Variants in ITGA11 observed in about 807,000 individuals in gnomAD.
ITGA11 encodes integrin subunit alpha 11, also known as integrin alpha-11.
A neutral mutation model predicts 141.9 loss-of-function variants in ITGA11; 97 were observed. The ratio of observed to expected loss-of-function variants is 0.68; its 90% confidence interval spans 0.58 to 0.81. The LOEUF is 0.81. ITGA11 is among the 30% of genes least tolerant of loss of function. The pLI, the probability that ITGA11 is intolerant of heterozygous loss-of-function variation, is 0.00. For synonymous variants in ITGA11, 658 were observed against 624.6 expected, an observed-to-expected ratio of 1.05 and a Z score of -0.80; for missense variants, 1,387 against 1,559.2, an observed-to-expected ratio of 0.89 and a Z score of 1.86.
chr15:68,367,976 A>T (rs1595880769), intron 3 of ITGA11, among the ~76,000 whole-genome samples: 1 of 152,142 alleles, frequency 6.6e-6, no homozygotes, highest in East Asian at 1.9e-4. Flanking sequence ...TCCTCACTGA[A>T]GTTTGGGCCC....
intron 3 of ITGA11, 141 bp from the exon 4 acceptor site, chr15:68,364,939 C>A (rs987542561): frequency 1.1e-6 from 1 of 909,534 alleles, no homozygotes; most frequent in Non-Finnish European, 1.7e-6. Context: ...TTTACAAAGG[C>A]CTTCCCCAGA....
chr15:68,347,137 CAG>C (rs1894766476), intron 10 of ITGA11, among the ~76,000 whole-genome samples: 1 of 152,218 alleles, frequency 6.6e-6, no homozygotes, highest in African/African-American at 2.4e-5. Flanking sequence ...GCTCTGACGT[CAG>C]AGTCTGGAGA....
intron 1 of ITGA11, among the ~76,000 whole-genome samples, chr15:68,413,179 C>T (rs937832971): frequency 1.3e-5 from 2 of 152,194 alleles, no homozygotes; most frequent in African/African-American, 4.8e-5. Context: ...AGATGCCTCA[C>T]TGAAACCTTA....
chr15:68,369,129 C>T (rs1895511365), intron 3 of ITGA11, 55 bp downstream of exon 3: 4 of 1,297,704 alleles, frequency 3.1e-6, no homozygotes, highest in Non-Finnish European at 1.1e-6. Context: ...TCAGAGCCTG[C>T]CTTGTGTTAG....
At chr15:68,357,346 C>G (rs776346971) in intron 6 of ITGA11, 47 bp from the exon 7 acceptor site, 2 of 1,578,832 alleles carry the variant, frequency 1.3e-6, no homozygotes, top group African/African-American at 2.7e-5. Flanking sequence ...CCCCATGAAC[C>G]CATGAACCTT....
At chr15:68,385,487 C>T (rs1895963527) in intron 2 of ITGA11, among the ~76,000 whole-genome samples, 2 of 152,228 alleles carry the variant, frequency 1.3e-5, no homozygotes, top group Admixed American at 1.3e-4. Flanking sequence ...CAAATTCCAC[C>T]ATAGTTGGCC....
intron 2 of ITGA11, among the ~76,000 whole-genome samples, chr15:68,385,706 C>T (rs1045467914): frequency 7.2e-5 from 11 of 152,118 alleles, no homozygotes; most frequent in South Asian, 4.1e-4. Context: ...TTGTTATTCC[C>T]GGTGGAAATG....
chr15:68,415,949 C>T (rs1363256927), intron 1 of ITGA11, among the ~76,000 whole-genome samples: 1 of 152,188 alleles, frequency 6.6e-6, no homozygotes, highest in East Asian at 1.9e-4. Flanking sequence ...GCAGAGCAGC[C>T]TGCCATTCAC....
Position 68,432,000 on chromosome 15 carries a change from A to G in ITGA11, c.52+15T>C. On this transcript the variant is annotated intron_variant, in intron 1 of 29. Transcript: ENST00000315757. ...GACTCCGAGAGGCAAGGGGAGGCAG[A>G]GGGTGGGCACCTACCTGGCCACAGG... The G allele has an allele frequency of 1.5e-6, 2 of 1,303,126 alleles. No individual in the cohort carries two copies. The highest frequency in any genetic ancestry group is 2.0e-6 in the Non-Finnish European group (2 of 1,020,798). The allele number at this position is 1,303,126 out of a possible 1,614,324, so 80.7% of individuals were successfully genotyped here. A position where few individuals can be genotyped will look rare whatever the true frequency, so the allele number is the denominator to read the frequency against.
chr15:68,367,742 C>G (rs1185676503), intron 3 of ITGA11, among the ~76,000 whole-genome samples: 1 of 152,188 alleles, frequency 6.6e-6, no homozygotes, highest in African/African-American at 2.4e-5. Context: ...ACAGATTAGA[C>G]CTGGAATGGA....
At position 68,329,162 on chromosome 15, in the gene ITGA11, C is replaced by A. The variant is rs1894077629; in HGVS notation, c.1902-900G>T. 2.0e-5 allele frequency among the ~76,000 whole-genome samples: 3 copies of A among 152,206 alleles called. No homozygotes were observed. In the South Asian group the frequency reaches 6.2e-4, roughly 32 times the overall value. ...TTGAGTCTTGGCTCCACGGGCTCCT[C>A]ATTGGACCTTGGCAGGTCACATGAT... On this transcript the variant is annotated intron_variant, in intron 15 of 29. Transcript: ENST00000315757.
At chr15:68,314,396 G>A (rs543102985) in intron 22 of ITGA11, among the ~76,000 whole-genome samples, 26 of 152,202 alleles carry the variant, frequency 1.7e-4, no homozygotes, top group African/African-American at 4.3e-4. Flanking sequence ...GACATCTTCC[G>A]GGGGGGTTCT....
Position 68,315,528 on chromosome 15 carries a change from G to A in ITGA11, c.2792+123C>T. The A allele has an allele frequency of 2.4e-6, 2 of 846,198 alleles. 1 individual carries two copies. Among genetic ancestry groups the A allele is most frequent in the East Asian group, 5.3e-5 (2 of 37,608 alleles). 52.4% of individuals were successfully genotyped at this position (846,198 alleles called of 1,614,324 possible). A position where few individuals can be genotyped will look rare whatever the true frequency, so the allele number is the denominator to read the frequency against. On this transcript the variant is annotated intron_variant, in intron 22 of 29. Transcript: ENST00000315757. ...CACCCCACTGCCTCCACTCAAGGTT[G>A]GGGCAGTGGGGGACAGGGCGTGGGG...
intron 10 of ITGA11, 93 bp from the exon 11 acceptor site, chr15:68,339,737 C>G: frequency 1.4e-6 from 2 of 1,469,632 alleles, no homozygotes; most frequent in Non-Finnish European, 1.9e-6. Flanking sequence ...ACGCCTCCAC[C>G]AGCCACCTCG....
At chr15:68,340,159 G>T (rs1055834468) in intron 10 of ITGA11, among the ~76,000 whole-genome samples, 2 of 150,558 alleles carry the variant, frequency 1.3e-5, no homozygotes, top group Non-Finnish European at 2.9e-5. Context: ...TGGTGCCAGG[G>T]ATATTGTCCC....
At position 68,325,237 on chromosome 15, in the gene ITGA11, G is replaced by A. The variant is rs367871411; in HGVS notation, c.2216C>T (p.Thr739Ile). ...CERINFHVLD[T>I]ADYVKPVTFS... ...GGTCACTGGCTTCACGTAGTCAGCA[G>A]TGTCCTGGGGGGTGGAGATGAGGGC... Residue 739 changes from threonine (T) to isoleucine (I), a missense_variant, in exon 18 of 30, where the codon ACT (threonine) becomes ATT (isoleucine). Transcript: ENST00000315757. The surrounding 1 kb of genome is among the most constrained non-coding windows in gnomAD (Gnocchi z 5.5). The A allele has an allele frequency of 4.3e-6, 7 of 1,611,506 alleles. No individual in the cohort carries two copies. Among genetic ancestry groups the A allele is most frequent in the Non-Finnish European group, 5.1e-6 (6 of 1,177,750 alleles).
intron 7 of ITGA11, among the ~76,000 whole-genome samples, chr15:68,352,196 T>G (rs1342764242): frequency 5.3e-5 from 8 of 151,614 alleles, no homozygotes; most frequent in Non-Finnish European, 8.8e-5. Context: ...ATTAGTTTTT[T>G]TTTTTTTTTT....
intron 9 of ITGA11, among the ~76,000 whole-genome samples, chr15:68,349,785 A>G (rs562209828): frequency 1.6e-4 from 25 of 152,312 alleles, no homozygotes; most frequent in African/African-American, 6.0e-4. Context: ...GGCAATCTGA[A>G]GGACTCTGCC....
rs766140362 is a variant in ITGA11, at chr15:68,404,243, C to T, written c.53-1214G>A. On this transcript the variant is annotated intron_variant, in intron 1 of 29. Coordinates refer to ENST00000315757, the MANE Select transcript of ITGA11 (RefSeq NM_001004439.2). ...AGCCTGAGGTCCCAGTGGCCATGGG[C>T]GCCGGCACTGGGCTCCCCACTTCCC... 3.3e-5 allele frequency among the ~76,000 whole-genome samples: 5 copies of T among 152,094 alleles called. No individual in the cohort carries two copies. In the East Asian group the frequency reaches 5.8e-4, roughly 18 times the overall value.
Sources: gnomAD v4.1 joint callset for allele counts (sites outside exome capture counted in the v4.1 genomes callset) on GRCh38, gnomAD v4.1.1 for gene constraint, Gnocchi (gnomAD v3.1) non-coding constraint, MANE v1.5 for transcripts, NCBI Gene and HGNC (gene_info 2026-07-23, HGNC 2026-07-21) for gene names.